Variants in BRIP1 observed in about 807,000 individuals in gnomAD.
The protein encoded by BRIP1 is Fanconi anemia group J protein.
A neutral mutation model predicts 119.7 loss-of-function variants in BRIP1; 88 were observed. The ratio of observed to expected loss-of-function variants is 0.74; its 90% CI spans 0.62 to 0.88. BRIP1 has a LOEUF of 0.88. BRIP1 is among the 40% of genes least tolerant of loss of function. BRIP1 has a pLI of 0.00. For synonymous variants in BRIP1, 443 were observed against 496.5 expected, an observed-to-expected ratio of 0.89 and a Z score of 1.43; for missense variants, 1,259 against 1,455.4, an observed-to-expected ratio of 0.87 and a Z score of 2.20.
intron 4 of BRIP1, among the ~76,000 whole-genome samples, chr17:61,855,184 A>G (rs949280306): frequency 3.3e-5 from 5 of 152,172 alleles, no homozygotes; most frequent in Admixed American, 6.5e-5. Flanking sequence ...GAGCATGTTT[A>G]AAAAGTTTTG....
chr17:61,723,713 C>CT (rs1175636690), intron 16 of BRIP1, among the ~76,000 whole-genome samples: 2 of 152,098 alleles, frequency 1.3e-5, no homozygotes. Flanking sequence ...GAAAGCTATA[C>CT]TTAATTGTAC....
At chr17:61,838,104 A>G (rs993615308) in intron 6 of BRIP1, among the ~76,000 whole-genome samples, 2 of 152,228 alleles carry the variant, frequency 1.3e-5, no homozygotes, top group Non-Finnish European at 2.9e-5. Flanking sequence ...TGCAGATTTG[A>G]AAAACGTGAA....
At chr17:61,812,488 A>C (rs1476391811) in intron 6 of BRIP1, among the ~76,000 whole-genome samples, 3 of 152,108 alleles carry the variant, frequency 2.0e-5, no homozygotes, top group African/African-American at 4.8e-5. Context: ...ACAGTGCCAG[A>C]ACCAAACTCT....
chr17:61,787,504 T>G (rs939378305), intron 10 of BRIP1, among the ~76,000 whole-genome samples: 3 of 145,002 alleles, frequency 2.1e-5, no homozygotes, highest in African/African-American at 7.6e-5. Context: ...AAGGTAAATT[T>G]TAAGCATGTG....
intron 17 of BRIP1, among the ~76,000 whole-genome samples, chr17:61,712,096 C>T (rs1438694949): frequency 1.3e-5 from 2 of 152,096 alleles, no homozygotes; most frequent in East Asian, 1.9e-4. Context: ...AATGTAAATA[C>T]ACAAGACACC....
chr17:61,833,633 T>G (rs964404975), intron 6 of BRIP1, among the ~76,000 whole-genome samples: 5 of 147,778 alleles, frequency 3.4e-5, no homozygotes, highest in African/African-American at 1.3e-4. Context: ...ACTGCACCAC[T>G]GCACTCCAGC....
intron 17 of BRIP1, among the ~76,000 whole-genome samples, chr17:61,707,726 A>ATT (rs1216392158): frequency 6.6e-6 from 1 of 152,018 alleles, no homozygotes; most frequent in Non-Finnish European, 1.5e-5. Flanking sequence ...CTCTATGGAT[A>ATT]TTAAGATTTT....
chr17:61,719,726 G>GAAA (rs746285189), intron 16 of BRIP1, among the ~76,000 whole-genome samples: 1 of 133,852 alleles, frequency 7.5e-6, no homozygotes, highest in Non-Finnish European at 1.6e-5. Flanking sequence ...CTCTGTCTCG[G>GAAA]AAAAAAAAAA....
rs786202218 is a variant in BRIP1 at position 61,801,287 on chromosome 17, T to C, written c.1106A>G (p.Tyr369Cys). Residue 369 changes from tyrosine to cysteine, a missense_variant, in exon 8 of 20, where the codon TAC becomes TGC. Transcript: ENST00000259008. ...TATTTGTGCATCTAGAAGATAGTTG[T>C]AGGGACAAAATATGATGTCAGCATC... ...IQDADIIFCP[Y>C]NYLLDAQIRE... 1 of 1,614,022 alleles carries C rather than the reference T, an allele frequency of 6.2e-7. No homozygotes were observed. The highest frequency in any genetic ancestry group is 8.5e-7 in the Non-Finnish European group (1 of 1,179,890).
rs2061359230 is a variant in BRIP1 at position 61,686,075 on chromosome 17, T to C, written c.2666A>G (p.Gln889Arg). 1.2e-6 allele frequency: 2 copies of C among 1,614,066 alleles called. No individual in the cohort carries two copies. The highest frequency in any genetic ancestry group is 1.7e-6 in the Non-Finnish European group (2 of 1,179,922). ...CTTTATGGATACATTAAGAACTTTT[T>C]GATGCTTTTTGGAAAATTCAGCCAA... Reference protein sequence around the residue: ...ESLAEFSKKHQKVLNVSIKDR... With the variant: ...ESLAEFSKKHRKVLNVSIKDR... The change falls in exon 19 of 20, where the codon CAA becomes CGA. Residue 889 changes from glutamine (Q) to arginine (R), a missense_variant. Around this residue, in one of 3 missense-constraint regions of BRIP1, gnomAD observed 753 missense variants for 891.8 expected, o/e 0.84. Coordinates refer to ENST00000259008, the MANE Select transcript of BRIP1 (RefSeq NM_032043.3). The surrounding 1 kb of genome is among the most constrained non-coding windows in gnomAD (Gnocchi z 5.4).
At chr17:61,714,067 T>A (rs899128968) in intron 17 of BRIP1, among the ~76,000 whole-genome samples, 4 of 152,156 alleles carry the variant, frequency 2.6e-5, no homozygotes, top group African/African-American at 9.7e-5. Context: ...TTCCAGCTAC[T>A]TGGGAGGCTA....
rs2061414156 is a variant in BRIP1 at position 61,689,402 on chromosome 17, G to T, written c.2576-3237C>A. On this transcript the variant is annotated intron_variant, in intron 18 of 19. Coordinates refer to ENST00000259008, the MANE Select transcript of BRIP1 (RefSeq NM_032043.3). This position sits in a 1 kb window ranked among gnomAD's most constrained non-coding sequence, Gnocchi z 4.5. Reference sequence around the variant, plus strand: ...ACAAAATGGAAAAAAAAAAGTGAAGGCTTATGGCTTCATTTATGACTTGAC... The same window carrying T: ...ACAAAATGGAAAAAAAAAAGTGAAGTCTTATGGCTTCATTTATGACTTGAC... Among the ~76,000 whole-genome samples the T allele has an allele frequency of 6.6e-6, 1 of 152,076 alleles. No homozygotes were observed. The highest frequency in any genetic ancestry group is 1.5e-5 in the Non-Finnish European group (1 of 68,022).
At chr17:61,837,235 A>AT (rs1452039972) in intron 6 of BRIP1, among the ~76,000 whole-genome samples, 7 of 152,334 alleles carry the variant, frequency 4.6e-5, no homozygotes, top group Middle Eastern at 3.4e-3. Flanking sequence ...CAGTATCAGC[A>AT]TATATATGCA....
chr17:61,857,100 T>G lies in BRIP1; in HGVS notation c.337A>C (p.Thr113Pro), dbSNP rs1555617812. ...GTGCCATTTCTTTCAGAAGGTGGTG[T>G]GCTTGGATAGTTGAAATGACGTGAA... ...GTSRHFNYPS[T>P]PPSERNGTSS... The change falls in exon 4 of 20, where the codon ACA becomes CCA. Residue 113 changes from threonine to proline, a missense_variant. By Grantham distance (38) the Thr-to-Pro change is conservative (BLOSUM62 -1). Transcript: ENST00000259008. The surrounding 1 kb of genome is among the most constrained non-coding windows in gnomAD (Gnocchi z 5.1). 1.2e-6 allele frequency: 2 copies of G among 1,614,162 alleles called. No homozygotes were observed. The highest frequency in any genetic ancestry group is 1.7e-6 in the Non-Finnish European group (2 of 1,180,008).
intron 9 of BRIP1, among the ~76,000 whole-genome samples, chr17:61,797,511 T>C (rs999962892): frequency 6.6e-6 from 1 of 151,960 alleles, no homozygotes; most frequent in Non-Finnish European, 1.5e-5. Flanking sequence ...AGAGCAACAC[T>C]GCTAAGATCG....
rs1555572936 is a variant in BRIP1, at chr17:61,684,075, G to A, written c.2971C>T (p.Pro991Ser). Reference sequence around the variant, plus strand: ...CTCTTTGTTTGTTTGTTGAAAGTTGGGCTTGTGGATCTGGAAATCACAATT... The same window carrying A: ...CTCTTTGTTTGTTTGTTGAAAGTTGAGCTTGTGGATCTGGAAATCACAATT... Reference protein sequence around the residue: ...EKIVISRSTSPTFNKQTKRVS... With the variant: ...EKIVISRSTSSTFNKQTKRVS... The change falls in exon 20 of 20, where the codon CCA becomes TCA. Residue 991 changes from proline to serine, a missense_variant. Physicochemically the swap from Pro to Ser is moderately conservative, Grantham distance 74. Transcript: ENST00000259008. This position sits in a 1 kb window ranked among gnomAD's most constrained non-coding sequence, Gnocchi z 4.5. The A allele has an allele frequency of 6.2e-7, 1 of 1,613,686 alleles. No homozygotes were observed. The highest frequency in any genetic ancestry group is 8.5e-7 in the Non-Finnish European group (1 of 1,179,942).
In BRIP1 at chr17:61,721,692, CTTTTTTT is replaced by C. The variant is rs71150632; in HGVS notation, c.2380-5636_2380-5630del. Among the ~76,000 whole-genome samples the C allele has an allele frequency of 3.8e-4, 28 of 73,634 alleles. No individual in the cohort carries two copies. The South Asian group carries it at 9.0e-3, about 24-fold the overall frequency. 48.3% of individuals were successfully genotyped at this position (73,634 alleles called of 152,430 possible). A position where few individuals can be genotyped will look rare whatever the true frequency, so the allele number is the denominator to read the frequency against. ...GACATATAAAGGACATAGACTTTGC[CTTTTTTT>C]TTTTTTTTTTTTTTTTTGGACAGAG... On this transcript the variant is annotated intron_variant, in intron 16 of 19. Transcript: ENST00000259008.
At chr17:61,854,669 T>G (rs1312179418) in intron 4 of BRIP1, among the ~76,000 whole-genome samples, 1 of 128,874 alleles carries the variant, frequency 7.8e-6, no homozygotes, top group Non-Finnish European at 1.5e-5. Context: ...ATTGCGCCAC[T>G]GCACTCCAGC....
At chr17:61,840,565 C>A (rs1167174836) in intron 6 of BRIP1, among the ~76,000 whole-genome samples, 1 of 151,828 alleles carries the variant, frequency 6.6e-6, no homozygotes, top group African/African-American at 2.4e-5. Context: ...TCGCTTAAGC[C>A]CAGGAGTTTG....
Sources: allele counts gnomAD v4.1 joint callset (sites outside exome capture counted in the v4.1 genomes callset), GRCh38; gene constraint gnomAD v4.1.1; regional missense constraint gnomAD v4.1.1; non-coding constraint Gnocchi (gnomAD v3.1); transcripts MANE v1.5; gene names NCBI Gene and HGNC (gene_info 2026-07-23, HGNC 2026-07-21).